The following SPECC1 variants were observed in gnomAD, a reference collection of about 807,000 sequenced individuals.
The protein encoded by SPECC1 is sperm antigen with calponin homology and coiled-coil domains 1, also known as cytospin-B.
A neutral mutation model predicts 104.1 loss-of-function variants in SPECC1; 62 were observed. The ratio of observed to expected loss-of-function variants is 0.60; its 90% CI spans 0.49 to 0.74. The LOEUF is 0.74. SPECC1 is among the 30% of genes least tolerant of loss of function. The pLI is 0.00. For missense variants in SPECC1, 1,306 were observed against 1,310.5 expected, an observed-to-expected ratio of 1.00 and a Z score of 0.05; for synonymous variants, 513 against 501.6, an observed-to-expected ratio of 1.02 and a Z score of -0.30.
At chr17:20,288,525 A>G (rs1461191777) in intron 12 of SPECC1, among the ~76,000 whole-genome samples, 1 of 152,246 alleles carries the variant, frequency 6.6e-6, no homozygotes, top group African/African-American at 2.4e-5. Flanking sequence ...AAGCAAAATC[A>G]CAGTGAGATA....
chr17:20,112,670 A>G, intron 3 of SPECC1: 1 of 995,322 alleles, frequency 1.0e-6, no homozygotes, highest in Non-Finnish European at 1.6e-6. Context: ...ACTCTGTTCT[A>G]ATGTAGAAGG....
chr17:20,299,555 CAAAAAAAAAAAAAAAA>C (rs57493380), intron 13 of SPECC1, among the ~76,000 whole-genome samples: 1 of 40,368 alleles, frequency 2.5e-5, no homozygotes, highest in Non-Finnish European at 5.3e-5. Flanking sequence ...GACCCTGTCT[CAAAAAAAAAAAAAAAA>C]AAAAAAAAGA....
At chr17:20,120,019 G>A (rs1408211274) in intron 3 of SPECC1, among the ~76,000 whole-genome samples, 5 of 152,188 alleles carry the variant, frequency 3.3e-5, no homozygotes, top group African/African-American at 1.2e-4. Context: ...TAAAAAATCA[G>A]AAATCCAGAA....
intron 3 of SPECC1, among the ~76,000 whole-genome samples, chr17:20,134,315 CCAGTCT>C (rs1410873427): frequency 6.6e-6 from 1 of 151,386 alleles, no homozygotes; most frequent in Non-Finnish European, 1.5e-5. Flanking sequence ...CTCAATATAA[CCAGTCT>C]CAAATCCTTC....
intron 3 of SPECC1, chr17:20,156,023 G>A: frequency 7.8e-7 from 1 of 1,287,288 alleles, no homozygotes; most frequent in South Asian, 2.3e-5. Context: ...ACGGGCGCGG[G>A]AGAGCAGCGG....
Position 20,164,337 on chromosome 17 carries a change from T to A in SPECC1, c.284-39996T>A, listed in dbSNP as rs570396409. Among the ~76,000 whole-genome samples, 375 of 150,404 alleles carry A rather than the reference T, an allele frequency of 2.5e-3. 1 individual carries two copies. The highest frequency in any genetic ancestry group is 2.1e-3 in the Non-Finnish European group (139 of 67,394). Reference sequence around the variant, plus strand: ...ACCATGCCCAGCTAATTAAAAAAAATTTTTTTTTTGGTGCAGACGGGGTCT... The same window carrying A: ...ACCATGCCCAGCTAATTAAAAAAAAATTTTTTTTTGGTGCAGACGGGGTCT... On this transcript the variant is annotated intron_variant, in intron 3 of 14. Transcript: ENST00000395527.
intron 1 of SPECC1, among the ~76,000 whole-genome samples, chr17:20,049,136 C>T (rs970590968): frequency 6.6e-6 from 1 of 152,074 alleles, no homozygotes; most frequent in Admixed American, 6.5e-5. Context: ...TAGACGCTGC[C>T]AGATTGCTTT....
chr17:20,247,514 A>G (rs2039469761), intron 9 of SPECC1, among the ~76,000 whole-genome samples, 195 bp downstream of exon 9: 1 of 152,162 alleles, frequency 6.6e-6, no homozygotes, highest in Admixed American at 6.5e-5. Context: ...GAGGTCAGAT[A>G]TTTTTGTTCA....
At chr17:20,261,576 C>T (rs2040028397) in intron 12 of SPECC1, among the ~76,000 whole-genome samples, 1 of 151,016 alleles carries the variant, frequency 6.6e-6, no homozygotes, top group Non-Finnish European at 1.5e-5. Flanking sequence ...ACAGCTTTTG[C>T]TGAATTACCC....
intron 3 of SPECC1, among the ~76,000 whole-genome samples, chr17:20,203,664 A>G (rs2036579372): frequency 6.6e-6 from 1 of 152,232 alleles, no homozygotes; most frequent in South Asian, 2.1e-4. Flanking sequence ...AAATATGTTA[A>G]TGATGTTTTT....
At chr17:20,226,841 C>G (rs2703771) in intron 4 of SPECC1, among the ~76,000 whole-genome samples, 64,547 of 151,964 alleles carry the variant, frequency 0.42, 14,320 homozygotes, top group East Asian at 0.8. Flanking sequence ...TCTAAAGAAG[C>G]ATTGCAGCCC....
At chr17:20,077,356 A>G (rs918624959) in intron 1 of SPECC1, among the ~76,000 whole-genome samples, 1 of 152,044 alleles carries the variant, frequency 6.6e-6, no homozygotes, top group Non-Finnish European at 1.5e-5. Context: ...TTATACCTCC[A>G]GCTTTTCTAT....
chr17:20,246,083 T>A lies in SPECC1; in HGVS notation c.2497+12T>A, dbSNP rs1290000711. 10 of 1,612,916 alleles carry A rather than the reference T, an allele frequency of 6.2e-6. No homozygotes were observed. The highest frequency in any genetic ancestry group is 7.6e-6 in the Non-Finnish European group (9 of 1,179,424). ...CTTGGGACGCCCAGGTATTTAATCATTTTTTCTATAAGCAAAGCTCCAAAT... is the reference window on the plus strand; with the variant it reads ...CTTGGGACGCCCAGGTATTTAATCAATTTTTCTATAAGCAAAGCTCCAAAT... On this transcript the variant is annotated intron_variant, in intron 8 of 14. Coordinates refer to ENST00000395527, the MANE Select transcript of SPECC1 (RefSeq NM_001243439.2).
intron 4 of SPECC1, among the ~76,000 whole-genome samples, chr17:20,222,556 A>G (rs190358448): frequency 2.0e-5 from 3 of 152,234 alleles, no homozygotes; most frequent in East Asian, 1.9e-4. Context: ...TGTTGTTTCT[A>G]TTTACAGCTT....
chr17:20,158,611 T>C (rs1401063751), intron 3 of SPECC1, among the ~76,000 whole-genome samples: 2 of 152,232 alleles, frequency 1.3e-5, no homozygotes, highest in Non-Finnish European at 2.9e-5. Flanking sequence ...CTAGTCTTTC[T>C]GTGGGTCAGT....
intron 1 of SPECC1, among the ~76,000 whole-genome samples, chr17:20,034,698 C>T (rs751043454): frequency 9.3e-5 from 14 of 151,196 alleles, no homozygotes; most frequent in East Asian, 1.9e-4. Context: ...CTCTGCCCCC[C>T]GGGTTCAAGC....
At chr17:20,101,677 T>G (rs1177992278) in intron 2 of SPECC1, among the ~76,000 whole-genome samples, 3 of 152,214 alleles carry the variant, frequency 2.0e-5, no homozygotes, top group African/African-American at 7.2e-5. Flanking sequence ...GTCCTCTTGG[T>G]TGCAAATGAT....
chr17:20,092,375 C>T (rs2047439545), intron 1 of SPECC1, among the ~76,000 whole-genome samples: 2 of 149,086 alleles, frequency 1.3e-5, no homozygotes, highest in South Asian at 2.1e-4. Context: ...ATGGCTAATT[C>T]ATATCCATAA....
intron 1 of SPECC1, among the ~76,000 whole-genome samples, chr17:20,069,816 T>C (rs1031981063): frequency 8.6e-5 from 13 of 152,044 alleles, no homozygotes; most frequent in African/African-American, 2.9e-4. Flanking sequence ...ATAAATATTT[T>C]ATAATTAACA....
Sources: allele counts gnomAD v4.1 joint callset (sites outside exome capture counted in the v4.1 genomes callset), GRCh38; gene constraint gnomAD v4.1.1; transcripts MANE v1.5; gene names NCBI Gene and HGNC (gene_info 2026-07-23, HGNC 2026-07-21).